KIRREL3: variants seen among roughly 807,000 people sequenced by gnomAD.
KIRREL3 encodes the protein kirre like nephrin family adhesion molecule 3.
A neutral mutation model predicts 89.7 loss-of-function variants in KIRREL3; 36 were observed. The ratio of observed to expected loss-of-function variants is 0.40; its 90% CI spans 0.31 to 0.53. The LOEUF is 0.53. Ranked by LOEUF, KIRREL3 falls within the 20% of genes least tolerant of loss-of-function variation. The pLI, the probability that KIRREL3 is intolerant of heterozygous loss-of-function variation, is 0.49. For synonymous variants in KIRREL3, 445 were observed against 441.4 expected, an observed-to-expected ratio of 1.01 and a Z score of -0.10; for missense variants, 864 against 1,056.6, an observed-to-expected ratio of 0.82 and a Z score of 2.53.
rs1372279364 is a variant in KIRREL3, at chr11:126,911,407, T to C, written c.55+89048A>G. Among the ~76,000 whole-genome samples the C allele has an allele frequency of 2.0e-5, 3 of 152,206 alleles. No homozygotes were observed. In the East Asian group the frequency reaches 5.8e-4, roughly 29 times the overall value. On this transcript the variant is annotated intron_variant, in intron 1 of 16. Transcript: ENST00000525144. ...TGCATCTGCTGGTGAAGTCTCCATATGGCCCAATCCAATGTGTACTCTGCT... is the reference window on the plus strand; with the variant it reads ...TGCATCTGCTGGTGAAGTCTCCATACGGCCCAATCCAATGTGTACTCTGCT...
Position 126,583,012 on chromosome 11 carries a change from T to C in KIRREL3, c.56-20100A>G, listed in dbSNP as rs551511350. ...ATGCTCACTGCTAACAGATGGACAC[T>C]GCTATCTGTTCTTGATACTCAGACC... is the stretch of plus-strand genomic sequence containing the variant. On this transcript the variant is annotated intron_variant, in intron 1 of 16. Transcript: ENST00000525144. Among the ~76,000 whole-genome samples the C allele has an allele frequency of 8.0e-4, 121 of 151,248 alleles. 1 individual carries two copies. In the South Asian group the frequency reaches 0.024, roughly 30 times the overall value.
rs958159009 is a variant in KIRREL3, at chr11:126,647,443, C to T, written c.56-84531G>A. The stretch of plus-strand genomic sequence containing the variant: ...CCCTCTAATCAAATTCAACCCCACC[C>T]CTCTCACCAGGGTCCAAGTTATTTG... On this transcript the variant is annotated intron_variant, in intron 1 of 16. Transcript: ENST00000525144. This position sits in a 1 kb window ranked among gnomAD's most constrained non-coding sequence, Gnocchi z 4.9. 2.6e-5 allele frequency among the ~76,000 whole-genome samples: 4 copies of T among 152,198 alleles called. No individual in the cohort carries two copies. The highest frequency in any genetic ancestry group is 9.7e-5 in the African/African-American group (4 of 41,430).
At chr11:126,538,039 A>G (rs1356079653) in intron 2 of KIRREL3, among the ~76,000 whole-genome samples, 1 of 151,976 alleles carries the variant, frequency 6.6e-6, no homozygotes, top group African/African-American at 2.4e-5. Flanking sequence ...CAGGGGCCAG[A>G]GCAGCACCTG....
chr11:126,921,032 C>T (rs1947254287), intron 1 of KIRREL3, among the ~76,000 whole-genome samples: 1 of 152,214 alleles, frequency 6.6e-6, no homozygotes, highest in South Asian at 2.1e-4. Flanking sequence ...CTCTCGCCCC[C>T]TGTGGGCACA....
chr11:126,865,576 C>T (rs1944891974), intron 1 of KIRREL3, among the ~76,000 whole-genome samples: 1 of 152,230 alleles, frequency 6.6e-6, no homozygotes, highest in African/African-American at 2.4e-5. Context: ...GGTCTGCACA[C>T]CTTGTTCAGC....
chr11:126,923,205 T>TCTTCTTCTTCTTC (rs1565423445), intron 1 of KIRREL3, among the ~76,000 whole-genome samples: 1 of 10,916 alleles, frequency 9.2e-5, no homozygotes, highest in Non-Finnish European at 1.6e-4. Context: ...CTTCTTCTTC[T>TCTTCTTCTTCTTC]TCTTCTTCTT....
chr11:126,930,352 C>A (rs117608311), intron 1 of KIRREL3, among the ~76,000 whole-genome samples: 10 of 152,240 alleles, frequency 6.6e-5, no homozygotes, highest in Non-Finnish European at 1.2e-4. Flanking sequence ...CCATTCTTTG[C>A]GATGTTTGGA....
chr11:126,693,914 C>A (rs1016447380), intron 1 of KIRREL3, among the ~76,000 whole-genome samples: 1 of 152,238 alleles, frequency 6.6e-6, no homozygotes, highest in African/African-American at 2.4e-5. Flanking sequence ...TTGCCCCTTC[C>A]CCAGATCCCA....
At chr11:126,451,411 T>TGA (rs1956150777) in intron 7 of KIRREL3, among the ~76,000 whole-genome samples, 18 of 150,634 alleles carry the variant, frequency 1.2e-4, no homozygotes, top group African/African-American at 3.9e-4. Flanking sequence ...TGTGTGCATG[T>TGA]GTGTGCATGT....
rs1490207129 is a variant in KIRREL3 at position 126,883,250 on chromosome 11, G to A, written c.55+117205C>T. Among the ~76,000 whole-genome samples the A allele has an allele frequency of 6.6e-6, 1 of 152,148 alleles. No individual in the cohort carries two copies. The highest frequency in any genetic ancestry group is 1.5e-5 in the Non-Finnish European group (1 of 68,012). On this transcript the variant is annotated intron_variant, in intron 1 of 16. Coordinates refer to ENST00000525144, the MANE Select transcript of KIRREL3 (RefSeq NM_032531.4). The surrounding 1 kb of genome is among the most constrained non-coding windows in gnomAD (Gnocchi z 4.1). ...TTCTTGAGAAGCCAGGAATAGTTAAGAGGAAATTGAGGCAACTTGGAAAGG... is the reference window on the plus strand; with the variant it reads ...TTCTTGAGAAGCCAGGAATAGTTAAAAGGAAATTGAGGCAACTTGGAAAGG...
At chr11:126,469,357 C>T (rs1378592436) in intron 5 of KIRREL3, among the ~76,000 whole-genome samples, 1 of 152,212 alleles carries the variant, frequency 6.6e-6, no homozygotes, top group Non-Finnish European at 1.5e-5. Flanking sequence ...CTCTCTGCGG[C>T]TGATGCTCTG....
rs1199892720 is a variant in KIRREL3, at chr11:126,611,022, A to C, written c.56-48110T>G. The C allele has an allele frequency of 2.6e-5, 4 of 152,190 alleles. No homozygotes were observed. The East Asian group carries it at 7.7e-4, about 29-fold the overall frequency. 9.4% of individuals were successfully genotyped at this position (152,190 alleles called of 1,614,324 possible). On this transcript the variant is annotated intron_variant, in intron 1 of 16. Coordinates refer to ENST00000525144, the MANE Select transcript of KIRREL3 (RefSeq NM_032531.4). The surrounding 1 kb of genome is among the most constrained non-coding windows in gnomAD (Gnocchi z 4.7). ...GAACAACCTGCGATGAAGATTCTTG[A>C]AAAAAGAGACCATTTGCCTTAGGGG... is the stretch of plus-strand genomic sequence containing the variant.
chr11:126,888,146 A>G (rs962129658), intron 1 of KIRREL3, among the ~76,000 whole-genome samples: 3 of 152,210 alleles, frequency 2.0e-5, no homozygotes, highest in Non-Finnish European at 4.4e-5. Flanking sequence ...TACAGCACAT[A>G]CTGGAGTGAG....
chr11:126,762,329 A>G (rs1176754759), intron 1 of KIRREL3, among the ~76,000 whole-genome samples: 1 of 152,198 alleles, frequency 6.6e-6, no homozygotes, highest in Non-Finnish European at 1.5e-5. Flanking sequence ...CAGGTTAGGT[A>G]CCCAAGGCAG....
intron 1 of KIRREL3, among the ~76,000 whole-genome samples, chr11:126,718,283 C>A (rs1190615331): frequency 6.6e-6 from 1 of 152,134 alleles, no homozygotes; most frequent in Non-Finnish European, 1.5e-5. Context: ...GGGGCAGGGG[C>A]TCCCTGGCTG....
In KIRREL3 at chr11:126,710,734, A is replaced by G. The variant is rs1181223926; in HGVS notation, c.56-147822T>C. ...AGTGTCTCAAATAAAGTTTTGTTTT[A>G]GGCTAAATAAGAAAAGTGATACCAA... On this transcript the variant is annotated intron_variant, in intron 1 of 16. Transcript: ENST00000525144. This position sits in a 1 kb window ranked among gnomAD's most constrained non-coding sequence, Gnocchi z 4.2. Among the ~76,000 whole-genome samples, 1 of 152,192 alleles carries G rather than the reference A, an allele frequency of 6.6e-6. No individual in the cohort carries two copies. The highest frequency in any genetic ancestry group is 1.9e-4 in the East Asian group (1 of 5,192).
At position 126,643,415 on chromosome 11, in the gene KIRREL3, A is replaced by G. The variant is rs1021959228; in HGVS notation, c.56-80503T>C. Among the ~76,000 whole-genome samples, 1 of 152,180 alleles carries G rather than the reference A, an allele frequency of 6.6e-6. No homozygotes were observed. The highest frequency in any genetic ancestry group is 6.5e-5 in the Admixed American group (1 of 15,276). On this transcript the variant is annotated intron_variant, in intron 1 of 16. Transcript: ENST00000525144. The surrounding 1 kb of genome is among the most constrained non-coding windows in gnomAD (Gnocchi z 4.5). Reference sequence around the variant, plus strand: ...GGAATTTGAGATGGTCTTGAAGAGGATTTTAACACATGCAGATGGAAGCTA... The same window carrying G: ...GGAATTTGAGATGGTCTTGAAGAGGGTTTTAACACATGCAGATGGAAGCTA...
chr11:126,963,346 C>G (rs1055792094), intron 1 of KIRREL3, among the ~76,000 whole-genome samples: 1 of 151,840 alleles, frequency 6.6e-6, no homozygotes, highest in Non-Finnish European at 1.5e-5. Context: ...GACACACACA[C>G]AGACACACAC....
At chr11:126,818,223 A>G (rs1394376698) in intron 1 of KIRREL3, among the ~76,000 whole-genome samples, 1 of 152,198 alleles carries the variant, frequency 6.6e-6, no homozygotes, top group Non-Finnish European at 1.5e-5. Context: ...CAGCTGGGGA[A>G]AGGAAAGGCA....
Sources: gnomAD v4.1 joint callset for allele counts (sites outside exome capture counted in the v4.1 genomes callset) on GRCh38, gnomAD v4.1.1 for gene constraint, Gnocchi (gnomAD v3.1) non-coding constraint, MANE v1.5 for transcripts, NCBI Gene and HGNC (gene_info 2026-07-23, HGNC 2026-07-21) for gene names.